LPCAT1: variants seen among roughly 807,000 people sequenced by gnomAD.
LPCAT1 encodes the protein 1-acylglycerol-3-phosphate O-acyltransferase.
LPCAT1 carries 23 observed loss-of-function variants against 60.9 expected under a neutral mutation model. The observed-to-expected ratio is 0.38, with a 90% CI of 0.27 to 0.53. The LOEUF is 0.53. Ranked by LOEUF, LPCAT1 falls within the 20% of genes least tolerant of loss-of-function variation. LPCAT1 has a pLI of 0.82. For missense variants in LPCAT1, 622 were observed against 723.6 expected, an observed-to-expected ratio of 0.86 and a Z score of 1.61; for synonymous variants, 340 against 301.1, an observed-to-expected ratio of 1.13 and a Z score of -1.34.
rs114402468 is a variant in LPCAT1, at chr5:1,465,046, T to G, written c.1421-1211A>C. ...CAAGCGCAGGCACACTAAACACACATGCGCACGCACAAGTGCACGCACACA... is the reference window on the plus strand; with the variant it reads ...CAAGCGCAGGCACACTAAACACACAGGCGCACGCACAAGTGCACGCACACA... On this transcript the variant is annotated intron_variant, in intron 13 of 13. Coordinates refer to ENST00000283415, the MANE Select transcript of LPCAT1 (RefSeq NM_024830.5). Among the ~76,000 whole-genome samples, 808 of 114,180 alleles carry G rather than the reference T, an allele frequency of 7.1e-3. 8 individuals carry two copies. Among genetic ancestry groups the G allele is most frequent in the African/African-American group, 0.026 (778 of 29,600 alleles). 74.9% of individuals were successfully genotyped at this position (114,180 alleles called of 152,430 possible). A position where few individuals can be genotyped will look rare whatever the true frequency, so the allele number is the denominator to read the frequency against.
Position 1,488,383 on chromosome 5 carries a change from C to G in LPCAT1, c.667+8G>C. On this transcript the variant is annotated splice_region_variant and intron_variant, in intron 5 of 13. Coordinates refer to ENST00000283415, the MANE Select transcript of LPCAT1 (RefSeq NM_024830.5). ...GGAGAAAAATAAACATTTAAGAAAA[C>G]TACATACCAGGTTTGAAGGTAATTA... 6.4e-7 allele frequency: 1 copy of G among 1,552,786 alleles called. No individual in the cohort carries two copies. Among genetic ancestry groups the G allele is most frequent in the South Asian group, 1.2e-5 (1 of 84,788 alleles).
At chr5:1,484,985 C>G (rs1735316366) in intron 5 of LPCAT1, among the ~76,000 whole-genome samples, 1 of 152,226 alleles carries the variant, frequency 6.6e-6, no homozygotes, top group African/African-American at 2.4e-5. Flanking sequence ...CAAGCCCCAG[C>G]TCCAACGCCC....
chr5:1,511,104 T>C (rs898625778), intron 1 of LPCAT1, among the ~76,000 whole-genome samples: 3 of 152,192 alleles, frequency 2.0e-5, no homozygotes, highest in Admixed American at 6.5e-5. Context: ...TGAAGCCCCA[T>C]ATCCCAGCAA....
chr5:1,486,059 A>G (rs936876441), intron 5 of LPCAT1, among the ~76,000 whole-genome samples: 19 of 152,130 alleles, frequency 1.2e-4, no homozygotes, highest in Admixed American at 3.9e-4. Context: ...TGGGCCCAGG[A>G]CCTTCCAGGA....
chr5:1,464,101 G>A (rs1318440101), intron 13 of LPCAT1, among the ~76,000 whole-genome samples: 1 of 152,210 alleles, frequency 6.6e-6, no homozygotes, highest in Admixed American at 6.5e-5. Context: ...GAAAGCTTCT[G>A]GTTTTGAATT....
At position 1,480,717 on chromosome 5, in the gene LPCAT1, C is replaced by T. The variant is rs1052304442; in HGVS notation, c.761+225G>A. Among the ~76,000 whole-genome samples, 16 of 152,332 alleles carry T rather than the reference C, an allele frequency of 1.1e-4. No individual in the cohort carries two copies. The highest frequency in any genetic ancestry group is 3.1e-4 in the African/African-American group (13 of 41,568). Reference sequence around the variant, plus strand: ...AGCCGAATGCAAGACTCACAGTTCCCTTCCTGCTGGTACTGAAGACGTGCA... The same window carrying T: ...AGCCGAATGCAAGACTCACAGTTCCTTTCCTGCTGGTACTGAAGACGTGCA... On this transcript the variant is annotated intron_variant, in intron 7 of 13. Coordinates refer to ENST00000283415, the MANE Select transcript of LPCAT1 (RefSeq NM_024830.5). This position sits in a 1 kb window ranked among gnomAD's most constrained non-coding sequence, Gnocchi z 6.4.
chr5:1,490,881 C>G (rs1735552587), intron 3 of LPCAT1, among the ~76,000 whole-genome samples: 1 of 152,282 alleles, frequency 6.6e-6, no homozygotes, highest in South Asian at 2.1e-4. Context: ...TCGGCGCCCC[C>G]CAGGCCAACT....
chr5:1,468,428 C>T (rs1467837562), intron 12 of LPCAT1, among the ~76,000 whole-genome samples: 5 of 152,254 alleles, frequency 3.3e-5, no homozygotes, highest in African/African-American at 9.6e-5. Flanking sequence ...ACTCAGCCCC[C>T]AGAGAGCAGT....
Position 1,496,667 on chromosome 5 carries a change from AG to A in LPCAT1, c.279-1754del, listed in dbSNP as rs1735806867. Among the ~76,000 whole-genome samples, 1 of 152,196 alleles carries A rather than the reference AG, an allele frequency of 6.6e-6. No homozygotes were observed. Among genetic ancestry groups the A allele is most frequent in the Non-Finnish European group, 1.5e-5 (1 of 68,020 alleles). ...CGAATTGCAGGGACAGACGGTGCTC[AG>A]GGGAACTGTACTGGGTGTCGGGGCA... On this transcript the variant is annotated intron_variant, in intron 2 of 13. Coordinates refer to ENST00000283415, the MANE Select transcript of LPCAT1 (RefSeq NM_024830.5). This position sits in a 1 kb window ranked among gnomAD's most constrained non-coding sequence, Gnocchi z 4.7.
Position 1,483,697 on chromosome 5 carries a change from G to A in LPCAT1, c.668-211C>T, listed in dbSNP as rs1352562250. Among the ~76,000 whole-genome samples, 1 of 152,260 alleles carries A rather than the reference G, an allele frequency of 6.6e-6. No homozygotes were observed. The highest frequency in any genetic ancestry group is 1.5e-5 in the Non-Finnish European group (1 of 68,052). ...CGGATGGGCAGGAACATCGGCCAGG[G>A]GCGCTCCCCGGCCAAGGAACACTTT... On this transcript the variant is annotated intron_variant, in intron 5 of 13. Coordinates refer to ENST00000283415, the MANE Select transcript of LPCAT1 (RefSeq NM_024830.5). This position sits in a 1 kb window ranked among gnomAD's most constrained non-coding sequence, Gnocchi z 9.2.
At chr5:1,512,987 G>A (rs977329234) in intron 1 of LPCAT1, among the ~76,000 whole-genome samples, 7 of 152,308 alleles carry the variant, frequency 4.6e-5, no homozygotes, top group Admixed American at 2.6e-4. Context: ...GTGGGCCTGC[G>A]GGAAAAGGGC....
intron 2 of LPCAT1, among the ~76,000 whole-genome samples, chr5:1,497,825 C>T (rs1411778738): frequency 6.6e-6 from 1 of 152,244 alleles, no homozygotes; most frequent in Non-Finnish European, 1.5e-5. Context: ...TGTTCCCACA[C>T]AGAGCATTCA....
intron 12 of LPCAT1, 65 bp downstream of exon 12, chr5:1,470,761 C>T: frequency 8.1e-7 from 1 of 1,229,716 alleles, no homozygotes; most frequent in Non-Finnish European, 1.2e-6. Flanking sequence ...GAGAAATGAA[C>T]AATGGTGCTG....
chr5:1,473,741 C>A (rs1734783773), intron 11 of LPCAT1, among the ~76,000 whole-genome samples: 1 of 152,194 alleles, frequency 6.6e-6, no homozygotes, highest in Non-Finnish European at 1.5e-5. Context: ...CAGGCACATT[C>A]ATCAGTGAAG....
intron 2 of LPCAT1, among the ~76,000 whole-genome samples, chr5:1,499,783 G>C (rs576540862): frequency 1.3e-5 from 2 of 152,176 alleles, no homozygotes; most frequent in Non-Finnish European, 2.9e-5. Context: ...CGGCAAACCC[G>C]GGACCCTAAG....
At chr5:1,514,384 A>G (rs1180124052) in intron 1 of LPCAT1, among the ~76,000 whole-genome samples, 1 of 152,216 alleles carries the variant, frequency 6.6e-6, no homozygotes, top group Non-Finnish European at 1.5e-5. Context: ...CACAGAGCAG[A>G]GCCATGCCAA....
At chr5:1,509,783 C>T (rs1322475412) in intron 1 of LPCAT1, among the ~76,000 whole-genome samples, 4 of 152,188 alleles carry the variant, frequency 2.6e-5, no homozygotes, top group African/African-American at 2.4e-5. Flanking sequence ...TCATAGTTAA[C>T]GATACTAAAA....
chr5:1,492,269 G>C, intron 3 of LPCAT1, among the ~76,000 whole-genome samples: 1 of 151,412 alleles, frequency 6.6e-6, no homozygotes, highest in Non-Finnish European at 1.5e-5. Context: ...AGATGTCTCT[G>C]AGCTGGGGCC....
intron 1 of LPCAT1, among the ~76,000 whole-genome samples, chr5:1,503,554 G>C (rs1433437765): frequency 6.6e-6 from 1 of 152,170 alleles, no homozygotes; most frequent in African/African-American, 2.4e-5. Flanking sequence ...TTTTTAAAAG[G>C]AATTGCTAGG....
Sources: allele counts gnomAD v4.1 joint callset (sites outside exome capture counted in the v4.1 genomes callset), GRCh38; gene constraint gnomAD v4.1.1; non-coding constraint Gnocchi (gnomAD v3.1); transcripts MANE v1.5; gene names NCBI Gene and HGNC (gene_info 2026-07-23, HGNC 2026-07-21).